The following ATRNL1 variants were observed in gnomAD, a reference collection of about 807,000 sequenced individuals.
ATRNL1 encodes attractin-like protein 1.
Under a neutral mutation model 182.7 loss-of-function variants are expected in ATRNL1, and 95 were observed. The ratio of observed to expected loss-of-function variants is 0.52; its 90% CI spans 0.44 to 0.62. The LOEUF (loss-of-function observed/expected upper bound fraction) is 0.62, where lower values mean the gene tolerates loss of function less well. ATRNL1 is among the 20% of genes least tolerant of loss of function. ATRNL1 has a pLI of 0.00. For missense variants in ATRNL1, 1,471 were observed against 1,679.5 expected (o/e 0.88, Z 2.17); for synonymous variants, 576 against 568.3 (o/e 1.01, Z -0.19).
intron 27 of ATRNL1, among the ~76,000 whole-genome samples, chr10:115,774,899 TTTC>T (rs1230637843): frequency 1.3e-5 from 2 of 152,100 alleles, no homozygotes; most frequent in East Asian, 1.9e-4. Context: ...AAAGCTGTCT[TTTC>T]TTCTTCTCAC....
At chr10:115,475,611 T>G (rs1325289949) in intron 24 of ATRNL1, among the ~76,000 whole-genome samples, 1 of 151,482 alleles carries the variant, frequency 6.6e-6, no homozygotes, top group African/African-American at 2.4e-5. Context: ...AATTACCCAA[T>G]CTATAAAATG....
intron 26 of ATRNL1, among the ~76,000 whole-genome samples, chr10:115,565,476 G>T (rs1854019948): frequency 6.6e-6 from 1 of 152,034 alleles, no homozygotes; most frequent in Non-Finnish European, 1.5e-5. Context: ...ATTATGTTAT[G>T]CAAGTATACA....
intron 8 of ATRNL1, among the ~76,000 whole-genome samples, chr10:115,211,997 T>G (rs1300004942): frequency 6.6e-6 from 1 of 151,824 alleles, no homozygotes; most frequent in Non-Finnish European, 1.5e-5. Context: ...TTATTTATTT[T>G]TATTTTTAAT....
chr10:115,747,823 T>G (rs1948337000), intron 27 of ATRNL1, among the ~76,000 whole-genome samples: 1 of 152,014 alleles, frequency 6.6e-6, no homozygotes, highest in Non-Finnish European at 1.5e-5. Flanking sequence ...ACTGGCACAT[T>G]CAGTATCTGG....
rs962810696 is a variant in ATRNL1 at position 115,807,178 on chromosome 10, T to C, written c.3904-40699T>C. On this transcript the variant is annotated intron_variant, in intron 27 of 28. Transcript: ENST00000355044. ...GCTGGAGTGCAGTGGTGTAGTGGCATGATCTCAGCTCACTGCAAACTCTGC... is the reference window on the plus strand; with the variant it reads ...GCTGGAGTGCAGTGGTGTAGTGGCACGATCTCAGCTCACTGCAAACTCTGC... 7.3e-5 allele frequency among the ~76,000 whole-genome samples: 11 copies of C among 151,614 alleles called. No homozygotes were observed. In the East Asian group the frequency reaches 2.1e-3, roughly 30 times the overall value.
At chr10:115,558,070 A>C (rs1554997740) in intron 26 of ATRNL1, among the ~76,000 whole-genome samples, 1 of 151,516 alleles carries the variant, frequency 6.6e-6, no homozygotes, top group East Asian at 1.9e-4. Context: ...AAAAACAAAA[A>C]AAAAAAACCA....
intron 26 of ATRNL1, among the ~76,000 whole-genome samples, chr10:115,682,719 C>G (rs542747180): frequency 6.6e-6 from 1 of 151,614 alleles, no homozygotes; most frequent in Non-Finnish European, 1.5e-5. Context: ...CCAGCCAGTT[C>G]CCTACCTTTA....
intron 25 of ATRNL1, among the ~76,000 whole-genome samples, chr10:115,542,698 C>G (rs1554992387): frequency 6.6e-6 from 1 of 152,124 alleles, no homozygotes; most frequent in African/African-American, 2.4e-5. Flanking sequence ...TGTGCTTGGG[C>G]TGCCATAACA....
intron 27 of ATRNL1, among the ~76,000 whole-genome samples, chr10:115,842,687 A>AGTCG (rs1950837912): frequency 1.2e-4 from 1 of 8,090 alleles, no homozygotes; most frequent in African/African-American, 7.4e-4. Context: ...TACTATTAAT[A>AGTCG]GGCTGACAGA....
At chr10:115,727,427 C>A in intron 27 of ATRNL1, 72 bp downstream of exon 27, 2 of 1,179,710 alleles carry the variant, frequency 1.7e-6, no homozygotes, top group Middle Eastern at 1.9e-4. Context: ...TAATCTACAT[C>A]TGCTTATGAA....
intron 28 of ATRNL1, among the ~76,000 whole-genome samples, chr10:115,874,259 C>A (rs1322505500): frequency 6.6e-6 from 1 of 152,138 alleles, no homozygotes; most frequent in Non-Finnish European, 1.5e-5. Context: ...GCTCACTGGA[C>A]TGAGTCCTTT....
chr10:115,465,062 C>T (rs1592697295), intron 22 of ATRNL1, among the ~76,000 whole-genome samples: 1 of 151,740 alleles, frequency 6.6e-6, no homozygotes, highest in East Asian at 1.9e-4. Flanking sequence ...TAATTACATC[C>T]CCATTTTAGA....
chr10:115,437,169 A>T (rs782193276), intron 21 of ATRNL1, among the ~76,000 whole-genome samples: 2 of 152,054 alleles, frequency 1.3e-5, no homozygotes, highest in African/African-American at 4.8e-5. Flanking sequence ...TAGAAAGAAC[A>T]TGCAATGTTT....
At chr10:115,890,365 C>A (rs1284672870) in intron 28 of ATRNL1, among the ~76,000 whole-genome samples, 1 of 152,204 alleles carries the variant, frequency 6.6e-6, no homozygotes, top group East Asian at 1.9e-4. Flanking sequence ...AGACATTTGA[C>A]TGAGCACTTT....
chr10:115,767,028 T>C (rs937037624), intron 27 of ATRNL1, among the ~76,000 whole-genome samples: 1 of 152,188 alleles, frequency 6.6e-6, no homozygotes, highest in Non-Finnish European at 1.5e-5. Context: ...TGCAAAGCCT[T>C]TCACAATTGC....
intron 26 of ATRNL1, among the ~76,000 whole-genome samples, chr10:115,604,243 CAGTT>C (rs1229789648): frequency 2.6e-5 from 4 of 152,134 alleles, no homozygotes; most frequent in Non-Finnish European, 5.9e-5. Flanking sequence ...TTCTGCTAGA[CAGTT>C]AAGTTACTTG....
intron 27 of ATRNL1, among the ~76,000 whole-genome samples, chr10:115,782,355 T>G (rs1420092773): frequency 2.6e-5 from 4 of 152,238 alleles, no homozygotes; most frequent in African/African-American, 9.6e-5. Flanking sequence ...AAAATGAAAT[T>G]GAACCTTTAC....
rs190884766 is a variant in ATRNL1, at chr10:115,425,191, C to T, written c.3270-1059C>T. 4.2e-3 allele frequency among the ~76,000 whole-genome samples: 638 copies of T among 151,854 alleles called. 3 individuals carry two copies. Among genetic ancestry groups the T allele is most frequent in the African/African-American group, 0.015 (615 of 41,464 alleles). On this transcript the variant is annotated intron_variant, in intron 20 of 28. Coordinates refer to ENST00000355044, the MANE Select transcript of ATRNL1 (RefSeq NM_207303.4). The stretch of plus-strand genomic sequence containing the variant: ...TCTAATTTTTCACTATTTGACTCTT[C>T]ATTATATATATGTATTCTACTATTC...
At chr10:115,495,701 GT>G (rs35800509) in intron 24 of ATRNL1, among the ~76,000 whole-genome samples, 65,461 of 148,910 alleles carry the variant, frequency 0.44, 14,718 homozygotes, top group Middle Eastern at 0.53. Context: ...TATGATTTCA[GT>G]TTTTTTTTTT....
Sources: allele counts gnomAD v4.1 joint callset (sites outside exome capture counted in the v4.1 genomes callset), GRCh38; gene constraint gnomAD v4.1.1; transcripts MANE v1.5; gene names NCBI Gene and HGNC (gene_info 2026-07-23, HGNC 2026-07-21).